Variants in SCAPER observed in about 807,000 individuals in gnomAD.
The protein encoded by SCAPER is S phase cyclin A-associated protein in the endoplasmic reticulum.
A neutral mutation model predicts 182.2 loss-of-function variants in SCAPER; 98 were observed. That is an observed-to-expected ratio of 0.54 (90% CI 0.46 to 0.64). SCAPER has a LOEUF of 0.64. Ranked by LOEUF, SCAPER falls within the 30% of genes least tolerant of loss-of-function variation. The pLI is 0.00. For missense variants in SCAPER, 1,432 were observed against 1,690.0 expected (o/e 0.85, Z 2.68); for synonymous variants, 605 against 564.6 (o/e 1.07, Z -1.01).
intron 5 of SCAPER, among the ~76,000 whole-genome samples, chr15:76,838,845 C>T (rs1179523549): frequency 2.0e-5 from 3 of 152,174 alleles, no homozygotes; most frequent in Admixed American, 6.5e-5. Context: ...TCTCCCCTTC[C>T]GGCAGCCACA....
intron 23 of SCAPER, among the ~76,000 whole-genome samples, chr15:76,559,715 G>A (rs891833511): frequency 6.6e-6 from 1 of 152,138 alleles, no homozygotes; most frequent in Non-Finnish European, 1.5e-5. Flanking sequence ...AAAGAAGAGA[G>A]CAATGGATAC....
intron 29 of SCAPER, among the ~76,000 whole-genome samples, chr15:76,369,011 G>A (rs116150017): frequency 0.011 from 1,712 of 152,262 alleles, 39 homozygotes; most frequent in African/African-American, 0.038. Context: ...ATTTTAATTA[G>A]AAACTGCAAC....
At position 76,647,539 on chromosome 15, in the gene SCAPER, C is replaced by T. The variant is rs1367251076; in HGVS notation, c.2645+18114G>A. ...GAAGGGTTAAGTAACCAAAACAGAGCATACATGTAAGTCTGAGCTAAGAAA... is the reference window on the plus strand; with the variant it reads ...GAAGGGTTAAGTAACCAAAACAGAGTATACATGTAAGTCTGAGCTAAGAAA... On this transcript the variant is annotated intron_variant, in intron 21 of 31. Coordinates refer to ENST00000563290, the MANE Select transcript of SCAPER (RefSeq NM_020843.4). Among the ~76,000 whole-genome samples, 3 of 152,180 alleles carry T rather than the reference C, an allele frequency of 2.0e-5. 1 individual carries two copies. Among genetic ancestry groups the T allele is most frequent in the African/African-American group, 7.2e-5 (3 of 41,438 alleles).
intron 21 of SCAPER, among the ~76,000 whole-genome samples, chr15:76,650,695 G>C (rs2054959880): frequency 1.3e-5 from 2 of 151,954 alleles, no homozygotes; most frequent in South Asian, 2.1e-4. Context: ...GACATAGAAA[G>C]TACACCTATA....
chr15:76,726,666 A>T (rs1256106293), intron 17 of SCAPER, among the ~76,000 whole-genome samples: 1 of 152,100 alleles, frequency 6.6e-6, no homozygotes, highest in East Asian at 1.9e-4. Flanking sequence ...ATTCAGTCTT[A>T]AAAAGGAAGA....
intron 23 of SCAPER, among the ~76,000 whole-genome samples, chr15:76,560,125 T>C (rs1004217993): frequency 1.5e-4 from 23 of 152,136 alleles, no homozygotes; most frequent in African/African-American, 5.6e-4. Flanking sequence ...TCTCCAAATT[T>C]ACATGTAGAA....
chr15:76,786,614 T>C (rs1333179508), intron 8 of SCAPER, among the ~76,000 whole-genome samples: 1 of 152,122 alleles, frequency 6.6e-6, no homozygotes, highest in African/African-American at 2.4e-5. Context: ...GCTTATTCAA[T>C]AGCTTGTTCA....
intron 17 of SCAPER, among the ~76,000 whole-genome samples, chr15:76,709,282 C>A (rs947786454): frequency 6.6e-6 from 1 of 152,066 alleles, no homozygotes; most frequent in Non-Finnish European, 1.5e-5. Context: ...CAGGCACGTG[C>A]CACCATGCAC....
intron 23 of SCAPER, among the ~76,000 whole-genome samples, chr15:76,572,915 T>TCACACACACACACACACA (rs376553582): frequency 1.2e-4 from 16 of 131,162 alleles, no homozygotes; most frequent in African/African-American, 4.8e-4. Context: ...TCTCTCTCTC[T>TCACACACACACACACACA]CTCTCACACA....
chr15:76,549,181 T>C (rs537833929), intron 23 of SCAPER, among the ~76,000 whole-genome samples: 10 of 152,138 alleles, frequency 6.6e-5, no homozygotes, highest in South Asian at 2.1e-4. Context: ...TGCAAAACCA[T>C]TGTGGAAGTC....
intron 26 of SCAPER, among the ~76,000 whole-genome samples, chr15:76,427,776 T>C (rs1158195921): frequency 1.3e-5 from 2 of 151,906 alleles, no homozygotes; most frequent in Non-Finnish European, 2.9e-5. Flanking sequence ...GTACTAAAAA[T>C]ACAAAAATTA....
chr15:76,735,644 G>A (rs1478852400), intron 15 of SCAPER, among the ~76,000 whole-genome samples: 4 of 148,092 alleles, frequency 2.7e-5, no homozygotes, highest in Non-Finnish European at 4.5e-5. Context: ...GGAGGTTGCA[G>A]TGAGCCAAGA....
chr15:76,723,915 C>T (rs1483746025), intron 17 of SCAPER, among the ~76,000 whole-genome samples: 1 of 152,158 alleles, frequency 6.6e-6, no homozygotes, highest in East Asian at 1.9e-4. Context: ...GCATTTAGCC[C>T]ATTTACATTT....
chr15:76,652,181 G>T, intron 21 of SCAPER, among the ~76,000 whole-genome samples: 1 of 143,836 alleles, frequency 7.0e-6, no homozygotes. Context: ...ACTTTGGAAG[G>T]CTGAGGCAGG....
intron 22 of SCAPER, among the ~76,000 whole-genome samples, chr15:76,604,909 G>A (rs2050241047): frequency 6.6e-6 from 1 of 151,966 alleles, no homozygotes; most frequent in Non-Finnish European, 1.5e-5. Context: ...TTGCTTATCA[G>A]CTTAAGGAGA....
chr15:76,700,723 A>G (rs2058895405), intron 20 of SCAPER, among the ~76,000 whole-genome samples: 1 of 152,100 alleles, frequency 6.6e-6, no homozygotes, highest in African/African-American at 2.4e-5. Context: ...CTATTCAACT[A>G]CAGACATGTT....
At chr15:76,741,156 C>T (rs1246309779) in intron 15 of SCAPER, among the ~76,000 whole-genome samples, 6 of 152,016 alleles carry the variant, frequency 3.9e-5, no homozygotes, top group Admixed American at 2.0e-4. Context: ...CATCTTACTA[C>T]GAAGTATCAT....
intron 24 of SCAPER, among the ~76,000 whole-genome samples, chr15:76,487,410 G>A (rs917234517): frequency 2.0e-5 from 3 of 152,116 alleles, no homozygotes; most frequent in Non-Finnish European, 2.9e-5. Context: ...GAAGTTTTGG[G>A]ATAGTAAAAC....
intron 23 of SCAPER, among the ~76,000 whole-genome samples, chr15:76,553,650 G>A (rs529466041): frequency 1.3e-5 from 2 of 152,130 alleles, no homozygotes; most frequent in East Asian, 3.9e-4. Context: ...CAAGGGGATG[G>A]AGAACAAAGC....
Sources: allele counts gnomAD v4.1 joint callset (sites outside exome capture counted in the v4.1 genomes callset), GRCh38; gene constraint gnomAD v4.1.1; transcripts MANE v1.5; gene names NCBI Gene and HGNC (gene_info 2026-07-23, HGNC 2026-07-21).